The following AJAP1 variants were observed in gnomAD, a reference collection of about 807,000 sequenced individuals.
The protein encoded by AJAP1 is adherens junction-associated protein 1.
A neutral mutation model predicts 35.0 loss-of-function variants in AJAP1; 5 were observed. That is an observed-to-expected ratio of 0.14 (90% CI 0.07 to 0.30). The LOEUF (loss-of-function observed/expected upper bound fraction) is 0.30, where lower values mean the gene tolerates loss of function less well. AJAP1 is among the 10% of genes least tolerant of loss of function. The pLI is 1.00. For synonymous variants in AJAP1, 284 were observed against 249.3 expected, an observed-to-expected ratio of 1.14 and a Z score of -1.31; for missense variants, 586 against 571.0, an observed-to-expected ratio of 1.03 and a Z score of -0.27.
At position 4,712,020 on chromosome 1, in the gene AJAP1, C is replaced by G; in HGVS notation, c.150C>G (p.Phe50Leu). The change falls in exon 2 of 6, where the codon TTC becomes TTG. Residue 50 changes from phenylalanine (F) to leucine (L), a missense_variant. Phe to Leu is a conservative substitution (Grantham distance 22). Transcript: ENST00000378191. ...AGGCCCTGGGCCCGGGGCCGGAGTT[C>G]TGGCTCCTGCCGCGGTCGCCGCCCC... ...ACEALGPGPE[F>L]WLLPRSPPRP... 2.5e-6 allele frequency: 4 copies of G among 1,596,620 alleles called. No homozygotes were observed. Among genetic ancestry groups the G allele is most frequent in the Non-Finnish European group, 3.4e-6 (4 of 1,174,278 alleles).
At chr1:4,735,628 C>T (rs899986825) in intron 2 of AJAP1, among the ~76,000 whole-genome samples, 1 of 151,894 alleles carries the variant, frequency 6.6e-6, no homozygotes, top group Non-Finnish European at 1.5e-5. Flanking sequence ...AGGCTGCCTG[C>T]TGTACAGTGG....
chr1:4,753,851 C>T (rs1383300271), intron 2 of AJAP1, among the ~76,000 whole-genome samples: 5 of 152,222 alleles, frequency 3.3e-5, no homozygotes, highest in East Asian at 3.8e-4. Flanking sequence ...GGATTACAGG[C>T]GTGAGCCACT....
intron 2 of AJAP1, among the ~76,000 whole-genome samples, chr1:4,762,750 C>T (rs540621080): frequency 4.6e-5 from 7 of 152,264 alleles, no homozygotes; most frequent in African/African-American, 1.7e-4. Flanking sequence ...TGTGGGGACC[C>T]CAAATGGCAC....
Position 4,772,416 on chromosome 1 carries a change from G to A in AJAP1, c.1054G>A (p.Glu352Lys), listed in dbSNP as rs1362035936. ...CCTGGACATATTCACGGCCTATAAC[G>A]AGACCCTGCAGTGTTCTCACGAGTG... is the stretch of plus-strand genomic sequence containing the variant. The part of the protein sequence containing the change: ...SSLDIFTAYN[E>K]TLQCSHECVR... The change falls in exon 4 of 6, where the codon GAG becomes AAG. Residue 352 changes from glutamate to lysine, a missense_variant. By Grantham distance (56) the Glu-to-Lys change is moderately conservative. Coordinates refer to ENST00000378191, the MANE Select transcript of AJAP1 (RefSeq NM_018836.4). 8 of 1,614,116 alleles carry A rather than the reference G, an allele frequency of 5.0e-6. No homozygotes were observed. The highest frequency in any genetic ancestry group is 1.1e-5 in the South Asian group (1 of 91,092).
intron 1 of AJAP1, among the ~76,000 whole-genome samples, chr1:4,700,838 G>T (rs1639971646): frequency 6.6e-6 from 1 of 152,224 alleles, no homozygotes; most frequent in South Asian, 2.1e-4. Flanking sequence ...AAGGGGACCT[G>T]TGGGGCCCTT....
intron 2 of AJAP1, among the ~76,000 whole-genome samples, chr1:4,744,170 G>A (rs868604675): frequency 5.9e-5 from 9 of 152,316 alleles, no homozygotes; most frequent in South Asian, 2.1e-4. Context: ...GTGCAGCCAC[G>A]CATGTGTGGG....
chr1:4,770,025 C>T lies in AJAP1; in HGVS notation c.917+85C>T, dbSNP rs1641800012. 2.5e-6 allele frequency: 3 copies of T among 1,201,106 alleles called. No individual in the cohort carries two copies. The African/African-American group carries it at 4.5e-5, about 18-fold the overall frequency. 74.4% of individuals were successfully genotyped at this position (1,201,106 alleles called of 1,614,324 possible). On this transcript the variant is annotated intron_variant, in intron 3 of 5. Transcript: ENST00000378191. ...TGAATACAGAAAGGCCCCTACTTTT[C>T]AAAGCCAGCCTGTTCTGCTGGCTTC...
intron 1 of AJAP1, among the ~76,000 whole-genome samples, chr1:4,677,966 G>A (rs1458856688): frequency 6.6e-6 from 1 of 152,196 alleles, no homozygotes; most frequent in Non-Finnish European, 1.5e-5. Flanking sequence ...ATTTCCTGGT[G>A]GCTCGTAGAG....
At chr1:4,689,408 G>T (rs561913061) in intron 1 of AJAP1, among the ~76,000 whole-genome samples, 1 of 152,208 alleles carries the variant, frequency 6.6e-6, no homozygotes, top group East Asian at 1.9e-4. Context: ...CCACGAGGAG[G>T]CGGAGGGCCA....
chr1:4,767,754 A>G (rs1641720336), intron 2 of AJAP1, among the ~76,000 whole-genome samples: 1 of 143,004 alleles, frequency 7.0e-6, no homozygotes, highest in African/African-American at 2.6e-5. Context: ...AGCAGCAGCA[A>G]CCTCCTTCTC....
Position 4,708,037 on chromosome 1 carries a change from G to A in AJAP1, c.30-3863G>A, listed in dbSNP as rs1318997481. ...GCCTGGAGTGCAGTGGCATGATCTC[G>A]GCTCACTGCAACCTCCGCCTCCTGG... On this transcript the variant is annotated intron_variant, in intron 1 of 5. Transcript: ENST00000378191. 4.1e-5 allele frequency among the ~76,000 whole-genome samples: 6 copies of A among 147,662 alleles called. No homozygotes were observed. In the South Asian group the frequency reaches 6.5e-4, roughly 16 times the overall value.
intron 2 of AJAP1, among the ~76,000 whole-genome samples, chr1:4,742,110 G>A (rs1438001781): frequency 2.0e-5 from 3 of 152,174 alleles, no homozygotes; most frequent in Non-Finnish European, 4.4e-5. Flanking sequence ...GTGGGTGAAC[G>A]TTGGATGGCA....
chr1:4,677,119 C>T (rs114730446), intron 1 of AJAP1, among the ~76,000 whole-genome samples: 2,316 of 152,210 alleles, frequency 0.015, 53 homozygotes, highest in African/African-American at 0.053. Flanking sequence ...ATCGTGCCAC[C>T]GCACTTCAGC....
At chr1:4,668,373 T>C (rs1234723291) in intron 1 of AJAP1, among the ~76,000 whole-genome samples, 1 of 152,136 alleles carries the variant, frequency 6.6e-6, no homozygotes, top group Non-Finnish European at 1.5e-5. Context: ...TGTGGGTGTC[T>C]GTGTGTTGTG....
chr1:4,703,366 G>A (rs1299236304), intron 1 of AJAP1, among the ~76,000 whole-genome samples: 1 of 152,104 alleles, frequency 6.6e-6, no homozygotes, highest in East Asian at 1.9e-4. Context: ...TTAGTGGGAA[G>A]CCATCTGCAC....
At chr1:4,724,758 C>T (rs545705198) in intron 2 of AJAP1, among the ~76,000 whole-genome samples, 3 of 151,554 alleles carry the variant, frequency 2.0e-5, no homozygotes, top group East Asian at 3.9e-4. Flanking sequence ...TTTTAAAATG[C>T]AACTTCTGGG....
At position 4,734,865 on chromosome 1, in the gene AJAP1, T is replaced by A. The variant is rs2100304068; in HGVS notation, c.829+22166T>A. On this transcript the variant is annotated intron_variant, in intron 2 of 5. Coordinates refer to ENST00000378191, the MANE Select transcript of AJAP1 (RefSeq NM_018836.4). The surrounding 1 kb of genome is among the most constrained non-coding windows in gnomAD (Gnocchi z 4.3). The stretch of plus-strand genomic sequence containing the variant: ...GCTTCCGAGGCCCGAAACAGTGGCG[T>A]TTCCTCTTCCCCGAGCACTCAGCCT... Among the ~76,000 whole-genome samples the A allele has an allele frequency of 6.6e-6, 1 of 152,244 alleles. No homozygotes were observed. Among genetic ancestry groups the A allele is most frequent in the African/African-American group, 2.4e-5 (1 of 41,536 alleles).
At chr1:4,735,199 G>C (rs531342995) in intron 2 of AJAP1, among the ~76,000 whole-genome samples, 2 of 152,372 alleles carry the variant, frequency 1.3e-5, no homozygotes, top group South Asian at 4.1e-4. Flanking sequence ...AGGCCTCCTG[G>C]CTGCTAGAAG....
intron 1 of AJAP1, among the ~76,000 whole-genome samples, chr1:4,680,631 A>C (rs536720397): frequency 4.6e-5 from 7 of 152,344 alleles, no homozygotes; most frequent in African/African-American, 1.7e-4. Flanking sequence ...ATGTCCACTT[A>C]TCTCTCATGT....
Sources: gnomAD v4.1 joint callset for allele counts (sites outside exome capture counted in the v4.1 genomes callset) on GRCh38, gnomAD v4.1.1 for gene constraint, Gnocchi (gnomAD v3.1) non-coding constraint, MANE v1.5 for transcripts, NCBI Gene and HGNC (gene_info 2026-07-23, HGNC 2026-07-21) for gene names.